PLEKHA5: variants seen among roughly 807,000 people sequenced by gnomAD.
PLEKHA5 encodes pleckstrin homology domain containing A5, also known as pleckstrin homology domain-containing family A member 5.
In PLEKHA5, 55 loss-of-function variants were observed where a neutral mutation model predicts 181.9. The ratio of observed to expected loss-of-function variants is 0.30; its 90% confidence interval spans 0.24 to 0.38. The LOEUF (loss-of-function observed/expected upper bound fraction) is 0.38, where lower values mean the gene tolerates loss of function less well. PLEKHA5 is among the 10% of genes least tolerant of loss of function. PLEKHA5 has a pLI of 1.00. For missense variants in PLEKHA5, 1,432 were observed against 1,549.5 expected (o/e 0.92, Z 1.27); for synonymous variants, 535 against 529.4 (o/e 1.01, Z -0.15).
intron 24 of PLEKHA5, 75 bp downstream of exon 24, chr12:19,347,257 C>T (rs767389272): frequency 1.1e-6 from 1 of 885,318 alleles, no homozygotes; most frequent in African/African-American, 1.7e-5. Context: ...TTATTTTACA[C>T]TCAAACTTTT....
chr12:19,298,442 A>G (rs1239441754), intron 15 of PLEKHA5, among the ~76,000 whole-genome samples: 2 of 112,738 alleles, frequency 1.8e-5, no homozygotes, highest in African/African-American at 3.6e-5. Flanking sequence ...AACCTATCTC[A>G]GTGCTAACTG....
At chr12:19,305,070 CAAAT>C (rs1019929706) in intron 15 of PLEKHA5, among the ~76,000 whole-genome samples, 2 of 152,144 alleles carry the variant, frequency 1.3e-5, no homozygotes, top group Non-Finnish European at 2.9e-5. Context: ...CACCTTGAAA[CAAAT>C]AAGCAGGAGG....
chr12:19,358,750 T>C (rs995115535), intron 27 of PLEKHA5, among the ~76,000 whole-genome samples: 4 of 152,152 alleles, frequency 2.6e-5, no homozygotes, highest in Non-Finnish European at 4.4e-5. Context: ...TTTCAACAAA[T>C]GTAAAATGCT....
At chr12:19,181,898 A>G (rs1416175173) in intron 3 of PLEKHA5, among the ~76,000 whole-genome samples, 2 of 152,226 alleles carry the variant, frequency 1.3e-5, no homozygotes, top group Non-Finnish European at 2.9e-5. Context: ...ATTCGACTAC[A>G]TTCATTAGCT....
intron 3 of PLEKHA5, among the ~76,000 whole-genome samples, chr12:19,165,472 G>A (rs2044128839): frequency 6.6e-6 from 1 of 150,850 alleles, no homozygotes; most frequent in African/African-American, 2.4e-5. Context: ...TTACATTTTG[G>A]ATCAAAAGAA....
intron 3 of PLEKHA5, among the ~76,000 whole-genome samples, chr12:19,140,737 C>G (rs181498564): frequency 2.0e-5 from 3 of 152,224 alleles, no homozygotes; most frequent in Admixed American, 2.0e-4. Flanking sequence ...TAGTCACAAC[C>G]CTTGTTGTTG....
chr12:19,369,191 T>C (rs1170885849), intron 30 of PLEKHA5, among the ~76,000 whole-genome samples: 1 of 151,848 alleles, frequency 6.6e-6, no homozygotes, highest in Non-Finnish European at 1.5e-5. Context: ...CGAGCTACCA[T>C]GTCTGACTAA....
At chr12:19,208,668 A>G (rs148360205) in intron 3 of PLEKHA5, among the ~76,000 whole-genome samples, 1 of 152,296 alleles carries the variant, frequency 6.6e-6, no homozygotes, top group East Asian at 1.9e-4. Context: ...CCTAATGACT[A>G]ATACATGTTC....
chr12:19,250,008 A>C (rs1365003520), intron 3 of PLEKHA5, among the ~76,000 whole-genome samples: 1 of 152,150 alleles, frequency 6.6e-6, no homozygotes, highest in Non-Finnish European at 1.5e-5. Flanking sequence ...TCTGCATTAT[A>C]AACTGTTTAG....
chr12:19,270,147 A>G (rs1383426583), intron 9 of PLEKHA5, 41 bp from the exon 10 acceptor site: 2 of 1,324,668 alleles, frequency 1.5e-6, no homozygotes, highest in Non-Finnish European at 2.0e-6. Context: ...GGGTGAATCC[A>G]GAATCCTAAC....
chr12:19,154,856 A>G lies in PLEKHA5; in HGVS notation c.227+22406A>G, dbSNP rs1481202501. 2.6e-5 allele frequency among the ~76,000 whole-genome samples: 4 copies of G among 152,216 alleles called. No homozygotes were observed. The East Asian group carries it at 7.7e-4, about 29-fold the overall frequency. ...CTGTGAGTCTTGTGAGTACAGAGAA[A>G]TGACAAGCTTTGCCCTGAAGGATTT... On this transcript the variant is annotated intron_variant, in intron 3 of 31. Coordinates refer to ENST00000429027, the MANE Select transcript of PLEKHA5 (RefSeq NM_001256470.2).
At chr12:19,369,576 C>CT in intron 30 of PLEKHA5, 117 bp from the exon 31 acceptor site, 1 of 582,550 alleles carries the variant, frequency 1.7e-6, no homozygotes, top group South Asian at 2.3e-5. Context: ...CCAAATGTAT[C>CT]TATTACTTCC....
Position 19,303,524 on chromosome 12 carries a change from G to C in PLEKHA5, c.2038-11290G>C, listed in dbSNP as rs117028675. ...GCTATATAGTCCCAGCTACCAGGTA[G>C]ACTGAGGCAGAAAGATCACTTGAGT... On this transcript the variant is annotated intron_variant, in intron 15 of 31. Transcript: ENST00000429027. The C allele has an allele frequency of 9.2e-5, 14 of 152,352 alleles. No individual in the cohort carries two copies. The East Asian group carries it at 1.7e-3, about 19-fold the overall frequency. The allele number at this position is 152,352 out of a possible 1,614,324, so 9.4% of individuals were successfully genotyped here. A position where few individuals can be genotyped will look rare whatever the true frequency, so the allele number is the denominator to read the frequency against.
chr12:19,294,193 G>A (rs2079180695), intron 15 of PLEKHA5, among the ~76,000 whole-genome samples: 1 of 152,040 alleles, frequency 6.6e-6, no homozygotes, highest in African/African-American at 2.4e-5. Context: ...ATACTTAAAT[G>A]TATGTATCCT....
Position 19,358,456 on chromosome 12 carries a change from AT to A in PLEKHA5, c.3348+21del. The A allele has an allele frequency of 6.6e-7, 1 of 1,513,362 alleles. No individual in the cohort carries two copies. Among genetic ancestry groups the A allele is most frequent in the Non-Finnish European group, 9.2e-7 (1 of 1,090,288 alleles). The allele number at this position is 1,513,362 out of a possible 1,614,324, so 93.7% of individuals were successfully genotyped here. On this transcript the variant is annotated intron_variant, in intron 27 of 31. Transcript: ENST00000429027. The stretch of plus-strand genomic sequence containing the variant: ...TACTCAGGTATATGAATTGCATTTG[AT>A]TATTATTTTGTGTAAATCTAGTATC...
intron 15 of PLEKHA5, among the ~76,000 whole-genome samples, chr12:19,304,387 G>A (rs898682502): frequency 1.3e-5 from 2 of 152,158 alleles, no homozygotes; most frequent in African/African-American, 4.8e-5. Flanking sequence ...CTTTTAAAAG[G>A]CAGTTAAAAT....
intron 3 of PLEKHA5, among the ~76,000 whole-genome samples, chr12:19,209,512 C>G (rs1256841374): frequency 6.6e-6 from 1 of 152,172 alleles, no homozygotes; most frequent in Non-Finnish European, 1.5e-5. Flanking sequence ...AGCAAACTTT[C>G]CACTCAGTGA....
At chr12:19,370,910 A>T (rs2095558751) in intron 31 of PLEKHA5, 1 of 151,974 alleles carries the variant, frequency 6.6e-6, no homozygotes. Context: ...GCTGGTCTCA[A>T]ACTCCTGAAT....
intron 23 of PLEKHA5, 29 bp from the exon 24 acceptor site, chr12:19,346,964 TA>T: frequency 6.9e-7 from 1 of 1,447,090 alleles, no homozygotes. Flanking sequence ...TCTGCTTATC[TA>T]AATAAGGTGA....
Sources: allele counts gnomAD v4.1 joint callset (sites outside exome capture counted in the v4.1 genomes callset), GRCh38; gene constraint gnomAD v4.1.1; transcripts MANE v1.5; gene names NCBI Gene and HGNC (gene_info 2026-07-23, HGNC 2026-07-21).